The following CLEC9A variants were observed in gnomAD, a reference collection of about 807,000 sequenced individuals.
The protein encoded by CLEC9A is C-type lectin domain containing 9A, also known as C-type lectin domain family 9 member A.
CLEC9A carries 24 observed loss-of-function variants against 30.0 expected under a neutral mutation model. That is an observed-to-expected ratio of 0.80 (90% CI 0.58 to 1.13). The LOEUF is 1.13. Ranked by LOEUF, CLEC9A falls within the 50% of genes most tolerant of loss-of-function variation. CLEC9A has a pLI of 0.00. For missense variants in CLEC9A, 251 were observed against 280.9 expected, an observed-to-expected ratio of 0.89 and a Z score of 0.76; for synonymous variants, 111 against 96.8, an observed-to-expected ratio of 1.15 and a Z score of -0.86.
chr12:10,043,287 A>T (rs1180639138), intron 2 of CLEC9A: 1 of 265,476 alleles, frequency 3.8e-6, no homozygotes, highest in African/African-American at 2.3e-5. Flanking sequence ...TGAGGTCTGT[A>T]AGTGGGAGAT....
intron 5 of CLEC9A, among the ~76,000 whole-genome samples, chr12:10,055,639 T>A (rs1255026887): frequency 6.6e-6 from 1 of 152,214 alleles, no homozygotes; most frequent in East Asian, 1.9e-4. Context: ...GAAGCACTGT[T>A]GTCAAGTGAA....
intron 2 of CLEC9A, among the ~76,000 whole-genome samples, chr12:10,051,155 A>T (rs377701615): frequency 1.3e-5 from 2 of 151,842 alleles, no homozygotes; most frequent in South Asian, 4.2e-4. Context: ...CAGTGAGCCG[A>T]GATAGGGCCA....
At chr12:10,057,338 A>T (rs1182201735) in intron 5 of CLEC9A, among the ~76,000 whole-genome samples, 1 of 151,904 alleles carries the variant, frequency 6.6e-6, no homozygotes, top group African/African-American at 2.4e-5. Context: ...TTTAAATTAT[A>T]TACATATATA....
intron 2 of CLEC9A, among the ~76,000 whole-genome samples, chr12:10,049,629 G>A (rs1074060): frequency 0.51 from 77,546 of 152,050 alleles, 22,868 homozygotes; most frequent in Middle Eastern, 0.73. Context: ...ACCAACCTCT[G>A]CTAGCTTCCA....
At chr12:10,052,275 A>G (rs756553847) in intron 3 of CLEC9A, 181 bp downstream of exon 3, 4 of 161,438 alleles carry the variant, frequency 2.5e-5, no homozygotes, top group Non-Finnish European at 5.4e-5. Context: ...GGTTTGCCCA[A>G]TGTGAGTTAT....
intron 1 of CLEC9A, among the ~76,000 whole-genome samples, chr12:10,032,621 A>C (rs989226761): frequency 1.3e-5 from 2 of 151,698 alleles, no homozygotes; most frequent in African/African-American, 4.8e-5. Context: ...TCGATCTCCT[A>C]ACCTCGTGAT....
intron 2 of CLEC9A, chr12:10,045,469 C>T (rs1865838405): frequency 2.1e-5 from 4 of 193,746 alleles, no homozygotes; most frequent in Admixed American, 1.0e-4. Context: ...ATTTATTCTA[C>T]CTTTCCCATT....
At chr12:10,044,043 G>A (rs1002663770) in intron 2 of CLEC9A, among the ~76,000 whole-genome samples, 20 of 152,128 alleles carry the variant, frequency 1.3e-4, no homozygotes, top group Admixed American at 9.2e-4. Context: ...TTGTAAACTT[G>A]AGAGTCTTTT....
intron 5 of CLEC9A, among the ~76,000 whole-genome samples, chr12:10,057,981 A>G (rs939787129): frequency 6.6e-6 from 1 of 152,042 alleles, no homozygotes; most frequent in East Asian, 1.9e-4. Context: ...TATTTGGGGG[A>G]CGTTAAAAGT....
intron 5 of CLEC9A, 162 bp from the exon 6 acceptor site, chr12:10,060,965 G>T: frequency 1.2e-6 from 1 of 809,250 alleles, no homozygotes. Context: ...CTTTTGTAGT[G>T]TTTGATTCTT....
chr12:10,060,679 G>A, intron 5 of CLEC9A: 1 of 174,302 alleles, frequency 5.7e-6, no homozygotes, highest in Non-Finnish European at 1.2e-5. Flanking sequence ...AATTTTGCAT[G>A]TCTATGTACT....
intron 2 of CLEC9A, chr12:10,045,557 C>A: frequency 3.5e-6 from 1 of 282,346 alleles, no homozygotes; most frequent in Non-Finnish European, 7.9e-6. Flanking sequence ...GGCACTCTAC[C>A]TTCTGTGAGA....
At chr12:10,047,431 A>G (rs1565590573) in intron 2 of CLEC9A, among the ~76,000 whole-genome samples, 1 of 152,218 alleles carries the variant, frequency 6.6e-6, no homozygotes. Flanking sequence ...TTTTCCTGGT[A>G]TTCATATCTA....
rs1444829480 is a variant in CLEC9A at position 10,065,650 on chromosome 12, G to A, written c.*18G>A. The A allele has an allele frequency of 4.3e-6, 7 of 1,613,202 alleles. No homozygotes were observed. The highest frequency in any genetic ancestry group is 5.9e-6 in the Non-Finnish European group (7 of 1,179,442). On this transcript the variant is annotated 3_prime_UTR_variant, in exon 9 of 9. Transcript: ENST00000355819. ...CTGTCTGAAAGAAATTGTGTTCAAA[G>A]TGTTCTATTACACTGTTATTTGGAG...
At chr12:10,045,557 C>G in intron 2 of CLEC9A, 1 of 282,346 alleles carries the variant, frequency 3.5e-6, no homozygotes, top group Non-Finnish European at 7.9e-6. Flanking sequence ...GGCACTCTAC[C>G]TTCTGTGAGA....
At chr12:10,049,008 CAA>C (rs1865871146) in intron 2 of CLEC9A, among the ~76,000 whole-genome samples, 1 of 152,066 alleles carries the variant, frequency 6.6e-6, no homozygotes, top group African/African-American at 2.4e-5. Context: ...ACTTGAAAGT[CAA>C]AATTACTCCT....
At chr12:10,033,366 A>T (rs1865716667) in intron 1 of CLEC9A, among the ~76,000 whole-genome samples, 1 of 151,972 alleles carries the variant, frequency 6.6e-6, no homozygotes, top group African/African-American at 2.4e-5. Context: ...TAACCTCATG[A>T]CTTAATAGCC....
At chr12:10,040,008 A>G (rs964867586) in intron 1 of CLEC9A, among the ~76,000 whole-genome samples, 1 of 152,108 alleles carries the variant, frequency 6.6e-6, no homozygotes, top group Non-Finnish European at 1.5e-5. Context: ...TTTTTAGTAG[A>G]GACAAAGTTT....
chr12:10,061,328 C>T, intron 6 of CLEC9A, 55 bp downstream of exon 6: 4 of 1,479,582 alleles, frequency 2.7e-6, no homozygotes, highest in Non-Finnish European at 3.6e-6. Flanking sequence ...ACACCAATAC[C>T]TCAAAAGAAA....
Sources: allele counts gnomAD v4.1 joint callset (sites outside exome capture counted in the v4.1 genomes callset), GRCh38; gene constraint gnomAD v4.1.1; transcripts MANE v1.5; gene names NCBI Gene and HGNC (gene_info 2026-07-23, HGNC 2026-07-21).